The following ARMH4 variants were observed in gnomAD, a reference collection of about 807,000 sequenced individuals.
ARMH4 encodes armadillo like helical domain containing 4.
A neutral mutation model predicts 61.9 loss-of-function variants in ARMH4; 49 were observed. The ratio of observed to expected loss-of-function variants is 0.79; its 90% CI spans 0.63 to 1.00. The LOEUF (loss-of-function observed/expected upper bound fraction) is 1.00. ARMH4 is among the 50% of genes least tolerant of loss of function. The pLI is 0.00. For missense variants in ARMH4, 934 were observed against 930.0 expected, an observed-to-expected ratio of 1.00 and a Z score of -0.06; for synonymous variants, 368 against 341.5, an observed-to-expected ratio of 1.08 and a Z score of -0.85.
intron 5 of ARMH4, among the ~76,000 whole-genome samples, chr14:58,054,806 G>A (rs1884272386): frequency 6.6e-6 from 1 of 151,196 alleles, no homozygotes; most frequent in Non-Finnish European, 1.5e-5. Context: ...GAACCTGGGA[G>A]GCAGAGATTG....
At chr14:58,097,498 A>G (rs1206619343) in intron 4 of ARMH4, among the ~76,000 whole-genome samples, 1 of 152,170 alleles carries the variant, frequency 6.6e-6, no homozygotes, top group African/African-American at 2.4e-5. Flanking sequence ...TCACTCTTGG[A>G]TCTTGTTCTC....
intron 4 of ARMH4, among the ~76,000 whole-genome samples, chr14:58,123,442 G>A (rs915273529): frequency 2.0e-5 from 3 of 152,094 alleles, no homozygotes; most frequent in African/African-American, 7.2e-5. Flanking sequence ...AAAGCCCAAG[G>A]CCTAGTGAAA....
intron 5 of ARMH4, among the ~76,000 whole-genome samples, chr14:58,045,522 T>A (rs558782549): frequency 6.6e-6 from 1 of 151,968 alleles, no homozygotes; most frequent in Non-Finnish European, 1.5e-5. Flanking sequence ...AATGACGAGT[T>A]AATGGGTGCG....
At chr14:58,076,032 G>A (rs1177141208) in intron 5 of ARMH4, among the ~76,000 whole-genome samples, 6 of 142,324 alleles carry the variant, frequency 4.2e-5, no homozygotes, top group African/African-American at 7.7e-5. Context: ...AAGAAAGAAG[G>A]AAGAAGAAAG....
chr14:58,045,532 G>A (rs11621419), intron 5 of ARMH4, among the ~76,000 whole-genome samples: 20,347 of 151,466 alleles, frequency 0.13, 2,000 homozygotes, highest in East Asian at 0.49. Context: ...TAATGGGTGC[G>A]GCACACCAAC....
At chr14:58,131,796 T>C (rs1360938283) in intron 3 of ARMH4, 75 bp from the exon 4 acceptor site, 47 of 1,409,408 alleles carry the variant, frequency 3.3e-5, no homozygotes, top group Non-Finnish European at 4.6e-5. Context: ...CTTTCACTTT[T>C]TAGGCAAGAA....
chr14:58,138,446 G>T lies in ARMH4; in HGVS notation c.913C>A (p.Pro305Thr). The T allele has an allele frequency of 1.2e-6, 2 of 1,614,228 alleles. No homozygotes were observed. Among genetic ancestry groups the T allele is most frequent in the Non-Finnish European group, 1.7e-6 (2 of 1,180,042 alleles). The change falls in exon 2 of 8, where the codon CCA becomes ACA. Residue 305 changes from proline to threonine, a missense_variant. By Grantham distance (38) the Pro-to-Thr change is conservative. Coordinates refer to ENST00000267485, the MANE Select transcript of ARMH4 (RefSeq NM_001001872.4). The part of the protein sequence containing the change: ...EVTVSVSTAV[P>T]AASALSDEWD... ...TCATCACTTAAGGCAGAGGCAGCTG[G>T]AACAGCTGTGCTGACACTCACTGTG...
At chr14:58,108,886 A>G (rs1886254526) in intron 4 of ARMH4, among the ~76,000 whole-genome samples, 2 of 152,228 alleles carry the variant, frequency 1.3e-5, no homozygotes, top group Non-Finnish European at 2.9e-5. Context: ...TCCAGTGTGT[A>G]TAAAATGATG....
chr14:58,147,263 G>T (rs186294320), intron 1 of ARMH4, among the ~76,000 whole-genome samples: 1 of 150,470 alleles, frequency 6.6e-6, no homozygotes. Context: ...CCTCTTCATT[G>T]ATAACCTTGT....
At chr14:58,068,637 T>C (rs980170444) in intron 5 of ARMH4, among the ~76,000 whole-genome samples, 2 of 152,120 alleles carry the variant, frequency 1.3e-5, no homozygotes, top group African/African-American at 4.8e-5. Flanking sequence ...CAGACAAAAG[T>C]GTTACCAGGA....
At chr14:58,071,175 G>A (rs1884872734) in intron 5 of ARMH4, among the ~76,000 whole-genome samples, 1 of 149,826 alleles carries the variant, frequency 6.7e-6, no homozygotes, top group African/African-American at 2.4e-5. Flanking sequence ...ATATACAATA[G>A]TACGGGTAAT....
intron 5 of ARMH4, among the ~76,000 whole-genome samples, chr14:58,020,385 G>A (rs771993447): frequency 2.6e-5 from 4 of 152,022 alleles, no homozygotes; most frequent in East Asian, 1.9e-4. Flanking sequence ...CTGTTCCCTC[G>A]GACAAATGTG....
intron 4 of ARMH4, among the ~76,000 whole-genome samples, chr14:58,125,983 G>C (rs768547044): frequency 6.6e-6 from 1 of 152,088 alleles, no homozygotes; most frequent in Non-Finnish European, 1.5e-5. Context: ...GCTAAAACAG[G>C]AGGCAAAGAA....
At chr14:58,072,217 TTGAA>T (rs1246421636) in intron 5 of ARMH4, among the ~76,000 whole-genome samples, 2 of 152,180 alleles carry the variant, frequency 1.3e-5, no homozygotes, top group African/African-American at 4.8e-5. Context: ...GAAGTATTCG[TTGAA>T]TGAATGAATG....
At chr14:58,107,134 G>A (rs1886188942) in intron 4 of ARMH4, among the ~76,000 whole-genome samples, 1 of 152,188 alleles carries the variant, frequency 6.6e-6, no homozygotes, top group Non-Finnish European at 1.5e-5. Flanking sequence ...TTTTATCACA[G>A]CTTTGACTTT....
chr14:58,140,994 G>C (rs1887529604), intron 1 of ARMH4, among the ~76,000 whole-genome samples: 1 of 151,936 alleles, frequency 6.6e-6, no homozygotes, highest in Non-Finnish European at 1.5e-5. Flanking sequence ...CCAGAAAGTG[G>C]GCCCTACCCA....
chr14:58,068,710 T>C (rs555783216), intron 5 of ARMH4, among the ~76,000 whole-genome samples: 1 of 152,036 alleles, frequency 6.6e-6, no homozygotes, highest in Non-Finnish European at 1.5e-5. Flanking sequence ...CTTTTACAGC[T>C]TAAAGAAGAC....
At chr14:58,026,845 C>T (rs938660665) in intron 5 of ARMH4, among the ~76,000 whole-genome samples, 3 of 152,090 alleles carry the variant, frequency 2.0e-5, no homozygotes, top group African/African-American at 2.4e-5. Context: ...GAACATAGGG[C>T]AAAGGTAAAT....
chr14:58,047,148 T>C (rs1033394621), intron 5 of ARMH4, among the ~76,000 whole-genome samples: 1 of 152,214 alleles, frequency 6.6e-6, no homozygotes, highest in African/African-American at 2.4e-5. Flanking sequence ...CATCATTGCA[T>C]AATAATACGA....
Sources: gnomAD v4.1 joint callset for allele counts (sites outside exome capture counted in the v4.1 genomes callset) on GRCh38, gnomAD v4.1.1 for gene constraint, MANE v1.5 for transcripts, NCBI Gene and HGNC (gene_info 2026-07-23, HGNC 2026-07-21) for gene names.